PDE1C: variants seen among roughly 807,000 people sequenced by gnomAD.
PDE1C encodes phosphodiesterase 1C.
Under a neutral mutation model 93.1 loss-of-function variants are expected in PDE1C, and 62 were observed. The observed-to-expected ratio is 0.67, with a 90% CI of 0.54 to 0.82. PDE1C has a LOEUF of 0.82. Ranked by LOEUF, PDE1C falls within the 40% of genes least tolerant of loss-of-function variation. The pLI, the probability that PDE1C is intolerant of heterozygous loss-of-function variation, is 0.00. For synonymous variants in PDE1C, 325 were observed against 310.1 expected, an observed-to-expected ratio of 1.05 and a Z score of -0.50; for missense variants, 742 against 884.6, an observed-to-expected ratio of 0.84 and a Z score of 2.04.
At chr7:32,426,900 G>A (rs2128101069) in intron 1 of PDE1C, among the ~76,000 whole-genome samples, 1 of 152,228 alleles carries the variant, frequency 6.6e-6, no homozygotes, top group East Asian at 1.9e-4. Flanking sequence ...CCATCCCCGT[G>A]AGCACCACAA....
In PDE1C at chr7:32,282,490, A is replaced by ATAGC. The variant is rs1267708417; in HGVS notation, c.85+16160_85+16161insGCTA. Among the ~76,000 whole-genome samples the ATAGC allele has an allele frequency of 2.0e-4, 31 of 151,880 alleles. 1 individual carries two copies. Among genetic ancestry groups the ATAGC allele is most frequent in the Middle Eastern group, 3.4e-3 (1 of 294 alleles). On this transcript the variant is annotated intron_variant, in intron 1 of 18. Transcript: ENST00000396193. ...CCAAACTCCATCAAAAAAAAAATAGATAGATAGATAGATAGATAGATGGTC... is the reference window on the plus strand; with the variant it reads ...CCAAACTCCATCAAAAAAAAAATAGATAGCTAGATAGATAGATAGATAGATGGTC...
intron 1 of PDE1C, among the ~76,000 whole-genome samples, chr7:32,416,149 A>T (rs979352600): frequency 6.6e-6 from 1 of 152,230 alleles, no homozygotes; most frequent in African/African-American, 2.4e-5. Context: ...TTACAAGCTG[A>T]CAGGTGCTGA....
At position 31,800,066 on chromosome 7, in the gene PDE1C, T is replaced by A. The variant is rs562901135; in HGVS notation, c.1891+8965A>T. Reference sequence around the variant, plus strand: ...TTTTAATGTGCTTATTTGCTAGTTGTATATCTTCTCTAGTGAAAAGTTTGT... The same window carrying A: ...TTTTAATGTGCTTATTTGCTAGTTGAATATCTTCTCTAGTGAAAAGTTTGT... On this transcript the variant is annotated intron_variant, in intron 16 of 17. Transcript: ENST00000396191. 1.7e-4 allele frequency among the ~76,000 whole-genome samples: 26 copies of A among 151,840 alleles called. No individual in the cohort carries two copies. In the South Asian group the frequency reaches 5.2e-3, roughly 30 times the overall value.
the PDE1C span, among the ~76,000 whole-genome samples, chr7:31,732,805 A>G: frequency 6.6e-6 from 1 of 152,176 alleles, no homozygotes; most frequent in African/African-American, 2.4e-5. Flanking sequence ...GGTAAACTGT[A>G]ACCCAAGGGG....
intron 3 of PDE1C, among the ~76,000 whole-genome samples, chr7:32,144,880 G>A (rs995223965): frequency 2.0e-5 from 3 of 151,940 alleles, no homozygotes; most frequent in Admixed American, 1.3e-4. Flanking sequence ...TTTTCCATGC[G>A]TTAGCTCTAA....
rs1429273821 is a variant in PDE1C at position 31,879,115 on chromosome 7, G to C, written c.306C>G (p.Val102=). Residue 102 remains valine (V), a synonymous_variant, in exon 4 of 18, where the codon GTC becomes GTG. Transcript: ENST00000396191. ...TGAAGGTGGAGGCCAGCCAGTCTCG[G>C]ACCTCAGAAGGCACAGCATCTGACT... ...DIQSDAVPSE[V]RDWLASTFTR... is the part of the protein sequence containing the mutation. The C allele has an allele frequency of 3.7e-6, 6 of 1,614,020 alleles. No homozygotes were observed. Among genetic ancestry groups the C allele is most frequent in the Non-Finnish European group, 5.1e-6 (6 of 1,180,010 alleles).
chr7:32,051,194 G>C (rs1793306120), intron 2 of PDE1C, among the ~76,000 whole-genome samples: 1 of 152,160 alleles, frequency 6.6e-6, no homozygotes, highest in Non-Finnish European at 1.5e-5. Context: ...GGAGAATTCA[G>C]ACACTAAACA....
At chr7:32,078,234 G>A (rs751312514) in intron 3 of PDE1C, among the ~76,000 whole-genome samples, 6 of 152,128 alleles carry the variant, frequency 3.9e-5, no homozygotes, top group South Asian at 2.1e-4. Context: ...GATAAGGAAC[G>A]AGCAGCTCAA....
At chr7:32,142,670 G>A (rs1330114083) in intron 3 of PDE1C, among the ~76,000 whole-genome samples, 1 of 152,102 alleles carries the variant, frequency 6.6e-6, no homozygotes, top group African/African-American at 2.4e-5. Flanking sequence ...TTTCTCTCCT[G>A]TTCTCTGGAT....
At chr7:31,658,126 A>G in the PDE1C span, 50 of 514,058 alleles carry the variant, frequency 9.7e-5, no homozygotes, top group Non-Finnish European at 1.5e-4. Context: ...CACAAAGATG[A>G]AACCTTGAGG....
chr7:31,646,315 A>G, the PDE1C span, among the ~76,000 whole-genome samples: 1 of 152,142 alleles, frequency 6.6e-6, no homozygotes, highest in African/African-American at 2.4e-5. Context: ...TCTGTGAGGT[A>G]CTAGGGGTGT....
chr7:31,640,301 G>T, the PDE1C span, among the ~76,000 whole-genome samples: 3 of 152,204 alleles, frequency 2.0e-5, no homozygotes, highest in African/African-American at 7.2e-5. Context: ...GATCCTTTCT[G>T]ATGGTTCTCT....
At chr7:31,628,981 C>T in the PDE1C span, among the ~76,000 whole-genome samples, 3 of 152,228 alleles carry the variant, frequency 2.0e-5, no homozygotes, top group East Asian at 3.9e-4. Context: ...ATCACTAGAA[C>T]TGTGGTACTT....
chr7:32,260,819 T>C lies in PDE1C; in HGVS notation c.85+37832A>G, dbSNP rs148100617. Among the ~76,000 whole-genome samples the C allele has an allele frequency of 4.5e-3, 690 of 152,272 alleles. 5 individuals are homozygous for C. Among genetic ancestry groups the C allele is most frequent in the African/African-American group, 0.016 (665 of 41,542 alleles). ...GTCTGCCTTTGCAAGACTAACAAAT[T>C]AGCTACAAGATTAGAAATTGGCCGG... On this transcript the variant is annotated intron_variant, in intron 1 of 18. Transcript: ENST00000396193.
chr7:31,709,345 C>G, the PDE1C span, among the ~76,000 whole-genome samples: 1 of 152,216 alleles, frequency 6.6e-6, no homozygotes, highest in Non-Finnish European at 1.5e-5. Flanking sequence ...GATAATAATT[C>G]TTACTTTGCC....
chr7:31,868,040 G>A (rs1240780204), intron 6 of PDE1C, among the ~76,000 whole-genome samples: 2 of 152,158 alleles, frequency 1.3e-5, no homozygotes, highest in Non-Finnish European at 2.9e-5. Flanking sequence ...ACTTCTTCAG[G>A]AAAAAGTCTT....
chr7:32,111,216 C>T (rs1798622137), intron 3 of PDE1C, among the ~76,000 whole-genome samples: 1 of 152,038 alleles, frequency 6.6e-6, no homozygotes, highest in Non-Finnish European at 1.5e-5. Context: ...TCAGTAAGTA[C>T]CAAAATTATA....
intron 1 of PDE1C, among the ~76,000 whole-genome samples, chr7:32,369,189 C>G (rs1784281704): frequency 6.6e-6 from 1 of 152,084 alleles, no homozygotes; most frequent in African/African-American, 2.4e-5. Context: ...AGGAAATAAT[C>G]AACAGAGGGA....
At chr7:32,321,272 G>T (rs563232930) in intron 1 of PDE1C, among the ~76,000 whole-genome samples, 1 of 152,292 alleles carries the variant, frequency 6.6e-6, no homozygotes, top group Admixed American at 6.5e-5. Flanking sequence ...GCCCGGCTTT[G>T]ATTTACAAAA....
Sources: gnomAD v4.1 joint callset for allele counts (sites outside exome capture counted in the v4.1 genomes callset) on GRCh38, gnomAD v4.1.1 for gene constraint, MANE v1.5 for transcripts, NCBI Gene and HGNC (gene_info 2026-07-23, HGNC 2026-07-21) for gene names.